ASTN2: variants seen among roughly 807,000 people sequenced by gnomAD.
The protein encoded by ASTN2 is astrotactin-2.
A neutral mutation model predicts 139.8 loss-of-function variants in ASTN2; 54 were observed. That is an observed-to-expected ratio of 0.39 (90% CI 0.31 to 0.48). ASTN2 has a LOEUF of 0.48. ASTN2 is among the 20% of genes least tolerant of loss of function. The probability of loss-of-function intolerance (pLI) is 0.95; values close to 1 mark genes in which losing one functional copy is unlikely to be tolerated. For synonymous variants in ASTN2, 756 were observed against 719.5 expected (o/e 1.05, Z -0.81); for missense variants, 1,565 against 1,725.1 (o/e 0.91, Z 1.64).
At chr9:116,879,899 C>T (rs753372422) in intron 10 of ASTN2, among the ~76,000 whole-genome samples, 17 of 152,048 alleles carry the variant, frequency 1.1e-4, no homozygotes, top group Non-Finnish European at 2.1e-4. Context: ...AGCCTATGGA[C>T]CACAACTTAG....
At chr9:117,094,141 AGGG>A (rs1454961226) in intron 5 of ASTN2, among the ~76,000 whole-genome samples, 6 of 90,890 alleles carry the variant, frequency 6.6e-5, no homozygotes, top group Middle Eastern at 5.6e-3. Context: ...GGACTAAGGG[AGGG>A]AGGGAGGGAG....
At chr9:117,333,038 A>T (rs763372550) in intron 1 of ASTN2, among the ~76,000 whole-genome samples, 1 of 152,172 alleles carries the variant, frequency 6.6e-6, no homozygotes, top group Non-Finnish European at 1.5e-5. Context: ...CGGTGATAAA[A>T]ATGTTCTAAA....
At chr9:117,013,050 C>A (rs981161741) in intron 6 of ASTN2, among the ~76,000 whole-genome samples, 3 of 151,948 alleles carry the variant, frequency 2.0e-5, no homozygotes, top group Non-Finnish European at 2.9e-5. Flanking sequence ...TACTTATTTG[C>A]CCATCAGATT....
intron 19 of ASTN2, among the ~76,000 whole-genome samples, chr9:116,549,933 T>C (rs1054167394): frequency 2.3e-4 from 35 of 152,140 alleles, no homozygotes; most frequent in African/African-American, 8.0e-4. Context: ...CCTTAAGACA[T>C]TTACTACTCC....
intron 4 of ASTN2, among the ~76,000 whole-genome samples, chr9:117,108,740 C>A (rs1256144232): frequency 6.6e-6 from 1 of 152,134 alleles, no homozygotes; most frequent in African/African-American, 2.4e-5. Context: ...CTTGCTTTGT[C>A]AAATATCTTG....
At chr9:117,407,826 C>G (rs1831039452) in intron 1 of ASTN2, among the ~76,000 whole-genome samples, 1 of 152,154 alleles carries the variant, frequency 6.6e-6, no homozygotes, top group Non-Finnish European at 1.5e-5. Context: ...AAAACCAGCT[C>G]TCTCTCTCTC....
chr9:117,038,136 T>G lies in ASTN2; in HGVS notation c.1423+1683A>C, dbSNP rs1183196873. Among the ~76,000 whole-genome samples the G allele has an allele frequency of 2.0e-5, 3 of 152,120 alleles. No individual in the cohort carries two copies. The South Asian group carries it at 6.2e-4, about 31-fold the overall frequency. ...ACAATCAGGATGCATTAATAGAAGT[T>G]TGAGTGTTTCAGAGAATGGTGGTAA... On this transcript the variant is annotated intron_variant, in intron 6 of 22. Coordinates refer to ENST00000313400, the MANE Select transcript of ASTN2 (RefSeq NM_001365068.1).
At chr9:116,791,062 A>T (rs993270968) in intron 13 of ASTN2, among the ~76,000 whole-genome samples, 46 of 151,598 alleles carry the variant, frequency 3.0e-4, no homozygotes, top group African/African-American at 1.1e-3. Context: ...AGAAAGAAAG[A>T]AGGAAAGGTC....
chr9:116,933,603 C>T (rs573987753), intron 10 of ASTN2, among the ~76,000 whole-genome samples: 1 of 152,006 alleles, frequency 6.6e-6, no homozygotes, highest in Admixed American at 6.5e-5. Context: ...GATGGCAACC[C>T]CTTTAAAGCT....
intron 10 of ASTN2, among the ~76,000 whole-genome samples, chr9:116,935,094 G>C (rs778682655): frequency 1.3e-5 from 2 of 152,130 alleles, no homozygotes; most frequent in Non-Finnish European, 2.9e-5. Context: ...AATTACAAAG[G>C]GTGCCAATTA....
rs543540631 is a variant in ASTN2 at position 117,134,206 on chromosome 9, G to A, written c.1168+7120C>T. On this transcript the variant is annotated intron_variant, in intron 4 of 22. Transcript: ENST00000313400. ...CCATTAAGGCAACTAATTTAAAGTC[G>A]CTAATGTTTCTATTTTCTTCCAACT... Among the ~76,000 whole-genome samples, 145 of 147,818 alleles carry A rather than the reference G, an allele frequency of 9.8e-4. 2 individuals carry two copies. The South Asian group carries it at 0.027, about 27-fold the overall frequency.
At chr9:117,380,471 G>A (rs1011820326) in intron 1 of ASTN2, among the ~76,000 whole-genome samples, 1 of 151,862 alleles carries the variant, frequency 6.6e-6, no homozygotes, top group Non-Finnish European at 1.5e-5. Flanking sequence ...TGGGGGTGGT[G>A]TTGTGCGCCT....
rs781713569 is a variant in ASTN2 at position 116,820,629 on chromosome 9, A to C, written c.2195T>G (p.Phe732Cys). 14 of 1,613,836 alleles carry C rather than the reference A, an allele frequency of 8.7e-6. No homozygotes were observed. Among genetic ancestry groups the C allele is most frequent in the Non-Finnish European group, 1.2e-5 (14 of 1,179,920 alleles). Reference protein sequence around the residue: ...LPYDATSSTIFMFCGCVEEYK... With the variant: ...LPYDATSSTICMFCGCVEEYK... Reference sequence around the variant, plus strand: ...GACAGAGACTCACCCGCAGAACATGAAGATGGTGCTCGAAGTGGCATCGTA... The same window carrying C: ...GACAGAGACTCACCCGCAGAACATGCAGATGGTGCTCGAAGTGGCATCGTA... Residue 732 changes from phenylalanine to cysteine, a missense_variant, in exon 12 of 23, where the codon TTC becomes TGC. This residue lies in a region of ASTN2 where 503 missense variants were observed against 591.7 expected (regional missense o/e 0.85). Transcript: ENST00000313400.
chr9:116,492,823 T>G (rs2119107433), intron 19 of ASTN2, among the ~76,000 whole-genome samples: 1 of 152,260 alleles, frequency 6.6e-6, no homozygotes, highest in Admixed American at 6.5e-5. Context: ...TTTAGTACAT[T>G]TCTAATATGT....
At chr9:116,657,194 C>A (rs1858268264) in intron 16 of ASTN2, among the ~76,000 whole-genome samples, 1 of 152,194 alleles carries the variant, frequency 6.6e-6, no homozygotes, top group African/African-American at 2.4e-5. Flanking sequence ...AAGGCCTGCA[C>A]TTCTGTGTTG....
intron 19 of ASTN2, among the ~76,000 whole-genome samples, chr9:116,540,975 T>G (rs1279947465): frequency 6.7e-6 from 1 of 149,818 alleles, no homozygotes; most frequent in African/African-American, 2.5e-5. Flanking sequence ...GTTTTGAAAC[T>G]AGGGGAAAAA....
intron 19 of ASTN2, among the ~76,000 whole-genome samples, chr9:116,587,078 C>A (rs998024869): frequency 6.6e-6 from 1 of 152,078 alleles, no homozygotes; most frequent in Admixed American, 6.5e-5. Flanking sequence ...TGGTGGCTCT[C>A]GCCTGTAATC....
At chr9:117,030,073 C>G (rs115829623) in intron 6 of ASTN2, among the ~76,000 whole-genome samples, 1 of 152,076 alleles carries the variant, frequency 6.6e-6, no homozygotes, top group Admixed American at 6.6e-5. Flanking sequence ...GGTCACAAAA[C>G]TAGAAAGCAG....
At chr9:117,116,865 A>AAAAAAAAAC (rs1829408845) in intron 4 of ASTN2, among the ~76,000 whole-genome samples, 1 of 136,788 alleles carries the variant, frequency 7.3e-6, no homozygotes, top group Admixed American at 7.4e-5. Flanking sequence ...AAAAAAAAAA[A>AAAAAAAAAC]GGCCTTTCCC....
Sources: allele counts gnomAD v4.1 joint callset (sites outside exome capture counted in the v4.1 genomes callset), GRCh38; gene constraint gnomAD v4.1.1; regional missense constraint gnomAD v4.1.1; transcripts MANE v1.5; gene names NCBI Gene and HGNC (gene_info 2026-07-23, HGNC 2026-07-21).